The following CCL3L3 variants were observed in gnomAD, a reference collection of about 807,000 sequenced individuals.
CCL3L3 encodes the protein C-C motif chemokine 3-like 1.
A neutral mutation model predicts 9.0 loss-of-function variants in CCL3L3; 6 were observed. The ratio of observed to expected loss-of-function variants is 0.67; its 90% confidence interval spans 0.37 to 1.32. The LOEUF (loss-of-function observed/expected upper bound fraction) is 1.32, where lower values mean the gene tolerates loss of function less well. Ranked by LOEUF, CCL3L3 falls within the 40% of genes most tolerant of loss-of-function variation. The probability of loss-of-function intolerance (pLI) is 0.02; values close to 1 mark genes in which losing one functional copy is unlikely to be tolerated. For missense variants in CCL3L3, 93 were observed against 117.0 expected, an observed-to-expected ratio of 0.79 and a Z score of 0.95; for synonymous variants, 38 against 45.7, an observed-to-expected ratio of 0.83 and a Z score of 0.68.
At chr17:36,195,685 C>G (rs2068613339) in intron 2 of CCL3L3, 113 bp downstream of exon 2, 1 of 1,378,878 alleles carries the variant, frequency 7.3e-7, no homozygotes, top group Admixed American at 1.7e-5. Context: ...CGTCCTGTAT[C>G]CCCGATAGGC....
At chr17:36,195,603 G>A in intron 2 of CCL3L3, 195 bp downstream of exon 2, 1 of 1,030,284 alleles carries the variant, frequency 9.7e-7, no homozygotes, top group Non-Finnish European at 1.5e-6. Flanking sequence ...CCTCTGGCCT[G>A]GGGCAGCCCT....
Position 36,195,098 on chromosome 17 carries a change from A to G in CCL3L3, c.*188T>C. ...CACACTGTGAAATCAAAAATAAATT[A>G]TAAAAACTAAATAGTATAAATAAAT... On this transcript the variant is annotated 3_prime_UTR_variant, in exon 3 of 3. Coordinates refer to ENST00000619989, the MANE Select transcript of CCL3L3 (RefSeq NM_001001437.4). The G allele has an allele frequency of 6.2e-6, 4 of 640,504 alleles. No individual in the cohort carries two copies. In the South Asian group the frequency reaches 9.0e-5, roughly 14 times the overall value. The allele number at this position is 640,504 out of a possible 1,614,324, so 39.7% of individuals were successfully genotyped here.
At position 36,196,646 on chromosome 17, in the gene CCL3L3, C is replaced by T. The variant is rs1166624794; in HGVS notation, c.28G>A (p.Val10Ile). Reference sequence around the variant, plus strand: ...CAGAGAGCCATGGTGCAGAGGAGGACGGCAAGGGCAGCAGTGGAGACCTGC... The same window carrying T: ...CAGAGAGCCATGGTGCAGAGGAGGATGGCAAGGGCAGCAGTGGAGACCTGC... The part of the protein sequence containing the change: MQVSTAALA[V>I]LLCTMALCNQ... The change falls in exon 1 of 3, where the codon GTC (valine) becomes ATC (isoleucine). Residue 10 changes from valine (V) to isoleucine (I), a missense_variant. By Grantham distance (29) the Val-to-Ile change is conservative. Transcript: ENST00000619989. 64 of 1,580,932 alleles carry T rather than the reference C, an allele frequency of 4.0e-5. 3 individuals carry two copies. The highest frequency in any genetic ancestry group is 1.1e-4 in the East Asian group (5 of 44,584).
At chr17:36,195,938 C>CAACTCT in intron 1 of CCL3L3, 26 bp from the exon 2 acceptor site, 1 of 1,571,698 alleles carries the variant, frequency 6.4e-7, no homozygotes, top group Non-Finnish European at 8.7e-7. Flanking sequence ...AGAATAAGCC[C>CAACTCT]GAGTCACAGC....
chr17:36,195,593 C>G (rs2142207627), intron 2 of CCL3L3: 1 of 1,020,624 alleles, frequency 9.8e-7, no homozygotes, highest in East Asian at 2.4e-5. Flanking sequence ...CTGTCCCTTT[C>G]CTCTGGCCTG....
chr17:36,196,556 G>A, intron 1 of CCL3L3, 42 bp downstream of exon 1: 2 of 1,562,994 alleles, frequency 1.3e-6, no homozygotes, highest in Admixed American at 3.4e-5. Context: ...GTCTAACCAT[G>A]GCCAGAGAGT....
intron 1 of CCL3L3, 193 bp downstream of exon 1, chr17:36,196,405 C>T: frequency 2.6e-6 from 2 of 776,830 alleles, no homozygotes; most frequent in Non-Finnish European, 4.5e-6. Flanking sequence ...GATTCTCATA[C>T]CTGGAGACTA....
At position 36,196,667 on chromosome 17, in the gene CCL3L3, C is replaced by G. The variant is rs1451831886; in HGVS notation, c.7G>C (p.Val3Leu). The G allele has an allele frequency of 4.4e-6, 7 of 1,580,630 alleles. No individual in the cohort carries two copies. The highest frequency in any genetic ancestry group is 1.7e-5 in the Admixed American group (1 of 59,066). The part of the protein sequence containing the change: MQ[V>L]STAALAVLLC... ...AGGACGGCAAGGGCAGCAGTGGAGA[C>G]CTGCATGATTGGGAGCAGGTGATGG... Residue 3 changes from valine (V) to leucine (L), a missense_variant, in exon 1 of 3, where the codon GTC (valine) becomes CTC (leucine). By Grantham distance (32) the Val-to-Leu change is conservative. Coordinates refer to ENST00000619989, the MANE Select transcript of CCL3L3 (RefSeq NM_001001437.4).
At chr17:36,195,665 CA>C (rs2068613069) in intron 2 of CCL3L3, 132 bp downstream of exon 2, 1 of 1,267,704 alleles carries the variant, frequency 7.9e-7, no homozygotes, top group Admixed American at 1.8e-5. Flanking sequence ...GGTCACACCT[CA>C]GTGCCCTGCG....
chr17:36,196,749 G>C lies in CCL3L3; in HGVS notation c.-76C>G. On this transcript the variant is annotated 5_prime_UTR_variant, in exon 1 of 3. Coordinates refer to ENST00000619989, the MANE Select transcript of CCL3L3 (RefSeq NM_001001437.4). Reference sequence around the variant, plus strand: ...AGGGACTGACTACTCTTTGCTGCCTGCGTCCTTCTGATGTCTGAAGCCATC... The same window carrying C: ...AGGGACTGACTACTCTTTGCTGCCTCCGTCCTTCTGATGTCTGAAGCCATC... 2.0e-6 allele frequency: 3 copies of C among 1,473,636 alleles called. No homozygotes were observed. The allele number at this position is 1,473,636 out of a possible 1,614,324, so 91.3% of individuals were successfully genotyped here. A position where few individuals can be genotyped will look rare whatever the true frequency, so the allele number is the denominator to read the frequency against.
At position 36,195,319 on chromosome 17, in the gene CCL3L3, C is replaced by A; in HGVS notation, c.249G>T (p.Gln83His). 1 of 1,582,624 alleles carries A rather than the reference C, an allele frequency of 6.3e-7. No individual in the cohort carries two copies. Among genetic ancestry groups the A allele is most frequent in the Non-Finnish European group, 8.6e-7 (1 of 1,157,664 alleles). ...VCADPSEEWV[Q>H]KYVSDLELSA ...TCAGCTCCAGGTCACTGACGTATTT[C>A]TGGACCCACTCCTCACTGGGGTCAG... Residue 83 changes from glutamine (Q) to histidine (H), a missense_variant, in exon 3 of 3, where the codon CAG becomes CAT. Transcript: ENST00000619989.
rs1252534265 is a variant in CCL3L3 at position 36,196,401 on chromosome 17, C to T, written c.76+197G>A. 1.9e-5 allele frequency: 15 copies of T among 772,356 alleles called. 2 individuals are homozygous for T. Among genetic ancestry groups the T allele is most frequent in the Non-Finnish European group, 2.8e-5 (12 of 436,038 alleles). 47.8% of individuals were successfully genotyped at this position (772,356 alleles called of 1,614,324 possible). ...ACTCCCCTGCCCCTGCCTAGATTCT[C>T]ATACCTGGAGACTAGGAGGGCTAAG... is the stretch of plus-strand genomic sequence containing the variant. On this transcript the variant is annotated intron_variant, in intron 1 of 2. Coordinates refer to ENST00000619989, the MANE Select transcript of CCL3L3 (RefSeq NM_001001437.4).
chr17:36,195,003 G>C lies in CCL3L3; in HGVS notation c.*283C>G, dbSNP rs2068604940. On this transcript the variant is annotated 3_prime_UTR_variant, in exon 3 of 3. Transcript: ENST00000619989. ...TACACAGGCCGATGACAGCCACTCG[G>C]TTGTCACCAGACACACTGTGAGGGA... 1 of 411,132 alleles carries C rather than the reference G, an allele frequency of 2.4e-6. No individual in the cohort carries two copies. The highest frequency in any genetic ancestry group is 3.8e-5 in the Admixed American group (1 of 26,300). The allele number at this position is 411,132 out of a possible 1,614,324, so 25.5% of individuals were successfully genotyped here.
rs531286323 is a variant in CCL3L3 at position 36,195,210 on chromosome 17, T to G, written c.*76A>C. 1.7e-5 allele frequency: 25 copies of G among 1,489,308 alleles called. 1 individual carries two copies. Among genetic ancestry groups the G allele is most frequent in the Non-Finnish European group, 9.3e-7 (1 of 1,071,228 alleles). The allele number at this position is 1,489,308 out of a possible 1,614,324, so 92.3% of individuals were successfully genotyped here. ...GAGGTAGCTGTGGAGGTCACACGCA[T>G]GTTCCCAAGGCTCAGGCTCCTGCTC... On this transcript the variant is annotated 3_prime_UTR_variant, in exon 3 of 3. Transcript: ENST00000619989.
Position 36,195,124 on chromosome 17 carries a change from T to C in CCL3L3, c.*162A>G. 1.3e-6 allele frequency: 1 copy of C among 779,758 alleles called. No individual in the cohort carries two copies. The highest frequency in any genetic ancestry group is 2.1e-6 in the Non-Finnish European group (1 of 468,246). The allele number at this position is 779,758 out of a possible 1,614,324, so 48.3% of individuals were successfully genotyped here. ...TAAAAACTAAATAGTATAAATAAATTAAAATTTAAGTTAAGAAGAGTCCCA... is the reference window on the plus strand; with the variant it reads ...TAAAAACTAAATAGTATAAATAAATCAAAATTTAAGTTAAGAAGAGTCCCA... On this transcript the variant is annotated 3_prime_UTR_variant, in exon 3 of 3. Transcript: ENST00000619989.
At chr17:36,195,656 G>A (rs2142207752) in intron 2 of CCL3L3, 142 bp downstream of exon 2, 5 of 1,229,822 alleles carry the variant, frequency 4.1e-6, no homozygotes, top group African/African-American at 1.4e-5. Context: ...CCCAAGTCAG[G>A]TCACACCTCA....
In CCL3L3 at chr17:36,195,806, G is replaced by A. The variant is rs1319948559; in HGVS notation, c.183C>T (p.Pro61=). 96 of 1,582,896 alleles carry A rather than the reference G, an allele frequency of 6.1e-5. 13 individuals carry two copies. The highest frequency in any genetic ancestry group is 8.2e-5 in the Non-Finnish European group (95 of 1,157,694). Residue 61 remains proline (P), a synonymous_variant, in exon 2 of 3, where the codon CCC becomes CCT. Transcript: ENST00000619989. ...GGAAGACTGGCACTTACATGACACTGGGCTTGGAGCACTGGCTGCTCGTCT... is the reference window on the plus strand; with the variant it reads ...GGAAGACTGGCACTTACATGACACTAGGCTTGGAGCACTGGCTGCTCGTCT... ...YFETSSQCSK[P]SVIFLTKRGR...
intron 1 of CCL3L3, 120 bp from the exon 2 acceptor site, chr17:36,196,032 T>TG: frequency 9.0e-7 from 1 of 1,112,672 alleles, no homozygotes. Context: ...GCAAGGCATT[T>TG]GGGGGGTTTT....
Position 36,196,066 on chromosome 17 carries a change from T to G in CCL3L3, c.77-154A>C, listed in dbSNP as rs1436411694. On this transcript the variant is annotated intron_variant, in intron 1 of 2. Coordinates refer to ENST00000619989, the MANE Select transcript of CCL3L3 (RefSeq NM_001001437.4). The stretch of plus-strand genomic sequence containing the variant: ...TTGCAGAGAAATGTCTCTTTGTTTC[T>G]GTCTATATTCCTCTTTCCCCTTGAC... 34 of 886,350 alleles carry G rather than the reference T, an allele frequency of 3.8e-5. 4 individuals are homozygous for G. The highest frequency in any genetic ancestry group is 3.3e-5 in the Non-Finnish European group (18 of 542,472). The allele number at this position is 886,350 out of a possible 1,614,324, so 54.9% of individuals were successfully genotyped here. A position where few individuals can be genotyped will look rare whatever the true frequency, so the allele number is the denominator to read the frequency against.
Sources: allele counts gnomAD v4.1 joint callset, GRCh38; gene constraint gnomAD v4.1.1; transcripts MANE v1.5; gene names NCBI Gene and HGNC (gene_info 2026-07-23, HGNC 2026-07-21).